Variants in DLG2 observed in about 807,000 individuals in gnomAD.
The protein encoded by DLG2 is discs large MAGUK scaffold protein 2.
DLG2 carries 45 observed loss-of-function variants against 132.5 expected under a neutral mutation model. That is an observed-to-expected ratio of 0.34 (90% CI 0.27 to 0.44). The LOEUF (loss-of-function observed/expected upper bound fraction) is 0.44, where lower values mean the gene tolerates loss of function less well. Among genes scored for constraint, DLG2 ranks in the 20% least tolerant of loss-of-function variants. The pLI is 1.00. For missense variants in DLG2, 1,045 were observed against 1,196.9 expected, an observed-to-expected ratio of 0.87 and a Z score of 1.87; for synonymous variants, 424 against 419.6, an observed-to-expected ratio of 1.01 and a Z score of -0.13.
In DLG2 at chr11:83,873,372, G is replaced by A. The variant is rs570638538; in HGVS notation, c.1565+1048C>T. 8.0e-4 allele frequency among the ~76,000 whole-genome samples: 122 copies of A among 152,272 alleles called. 3 individuals are homozygous for A. The highest frequency in any genetic ancestry group is 7.8e-3 in the Admixed American group (119 of 15,302). ...TACAATTCCCACGTGTTGTGGGAGG[G>A]ACCTGGTGGGAGATAACTGAATCAT... On this transcript the variant is annotated intron_variant, in intron 16 of 27. Transcript: ENST00000376104.
rs905125103 is a variant in DLG2 at position 84,804,930 on chromosome 11, G to A, written c.358-270199C>T. On this transcript the variant is annotated intron_variant, in intron 6 of 27. Transcript: ENST00000376104. ...AAGCCATCCCTCCAACATTGTAACC[G>A]TGGAGAAAAATTAGGGAGCTTAGAT... Among the ~76,000 whole-genome samples the A allele has an allele frequency of 1.6e-4, 24 of 151,960 alleles. 1 individual carries two copies. The highest frequency in any genetic ancestry group is 4.6e-4 in the Admixed American group (7 of 15,272).
chr11:83,740,019 C>T (rs920028592), intron 18 of DLG2, among the ~76,000 whole-genome samples: 7 of 152,092 alleles, frequency 4.6e-5, no homozygotes, highest in African/African-American at 1.7e-4. Context: ...GAATTCTATC[C>T]CTTTTAGTAC....
At position 83,759,406 on chromosome 11, in the gene DLG2, G is replaced by C. The variant is rs142685971; in HGVS notation, c.1825+27284C>G. On this transcript the variant is annotated intron_variant, in intron 18 of 27. Coordinates refer to ENST00000376104, the MANE Select transcript of DLG2 (RefSeq NM_001142699.3). ...ATAGCAAGGGAACAGCCGTTCAGAT[G>C]GGGGGCATCCAAAAGCTCTTTTCAA... 1.6e-3 allele frequency among the ~76,000 whole-genome samples: 247 copies of C among 152,286 alleles called. 1 individual carries two copies. The highest frequency in any genetic ancestry group is 5.9e-3 in the African/African-American group (245 of 41,574).
At chr11:84,351,442 G>A (rs1333885471) in intron 7 of DLG2, among the ~76,000 whole-genome samples, 3 of 151,882 alleles carry the variant, frequency 2.0e-5, no homozygotes, top group South Asian at 2.1e-4. Flanking sequence ...ACATACTCAC[G>A]TAAACTTTAT....
intron 4 of DLG2, among the ~76,000 whole-genome samples, chr11:85,201,905 T>TA (rs531160440): frequency 3.0e-4 from 45 of 148,864 alleles, no homozygotes; most frequent in Non-Finnish European, 5.4e-4. Flanking sequence ...ATCAAAATAA[T>TA]AAAAAAAATT....
At chr11:84,376,934 G>A (rs2098731714) in intron 7 of DLG2, among the ~76,000 whole-genome samples, 1 of 151,834 alleles carries the variant, frequency 6.6e-6, no homozygotes. Context: ...AAATTATGTT[G>A]AAAAAATGTT....
chr11:84,197,649 A>C (rs1219729847), intron 8 of DLG2, among the ~76,000 whole-genome samples: 1 of 152,238 alleles, frequency 6.6e-6, no homozygotes, highest in Non-Finnish European at 1.5e-5. Context: ...GGGAATTTTA[A>C]TAAAATGTTT....
At chr11:84,148,327 G>A (rs1271450708) in intron 9 of DLG2, among the ~76,000 whole-genome samples, 2 of 152,110 alleles carry the variant, frequency 1.3e-5, no homozygotes, top group East Asian at 1.9e-4. Context: ...CCCAGGAAGT[G>A]AGCATGGTCC....
intron 4 of DLG2, among the ~76,000 whole-genome samples, chr11:85,157,164 G>A (rs567244443): frequency 4.5e-4 from 68 of 152,216 alleles, no homozygotes; most frequent in Non-Finnish European, 8.4e-4. Context: ...TTGAACATTG[G>A]ACTCCAAGTT....
intron 6 of DLG2, among the ~76,000 whole-genome samples, chr11:85,027,156 C>A (rs2060596360): frequency 7.3e-6 from 1 of 137,404 alleles, no homozygotes. Context: ...TGTAAAGCAG[C>A]ATATACAGTG....
intron 5 of DLG2, among the ~76,000 whole-genome samples, chr11:85,138,974 G>T (rs1227917969): frequency 6.6e-6 from 1 of 151,994 alleles, no homozygotes; most frequent in East Asian, 1.9e-4. Flanking sequence ...TGAATTTGTT[G>T]TTTCTTCTGC....
At chr11:85,386,640 C>G (rs1396516871) in intron 3 of DLG2, among the ~76,000 whole-genome samples, 1 of 151,738 alleles carries the variant, frequency 6.6e-6, no homozygotes, top group Non-Finnish European at 1.5e-5. Context: ...CTCAAATTAG[C>G]CCCTGTATGA....
intron 3 of DLG2, among the ~76,000 whole-genome samples, chr11:85,424,435 C>A (rs143613104): frequency 6.6e-6 from 1 of 152,164 alleles, no homozygotes; most frequent in Non-Finnish European, 1.5e-5. Flanking sequence ...ACCTCCCATC[C>A]GCCATGACCC....
chr11:85,613,602 G>A lies in DLG2; in HGVS notation c.-93+12985C>T, dbSNP rs192884634. 5.3e-5 allele frequency among the ~76,000 whole-genome samples: 8 copies of A among 152,282 alleles called. No homozygotes were observed. In the East Asian group the frequency reaches 1.5e-3, roughly 29 times the overall value. On this transcript the variant is annotated intron_variant, in intron 2 of 27. Transcript: ENST00000376104. ...TTGTAAATGCACCAATCTGTGCTCT[G>A]TGTCTAGCTAAAGGTTTGTAAATGC...
intron 6 of DLG2, among the ~76,000 whole-genome samples, chr11:84,599,329 A>C (rs903065702): frequency 6.6e-6 from 1 of 152,182 alleles, no homozygotes; most frequent in African/African-American, 2.4e-5. Flanking sequence ...AAACTGTGTC[A>C]TATGTCAGCA....
chr11:83,549,589 A>G lies in DLG2; in HGVS notation c.1941-7731T>C, dbSNP rs558519699. Among the ~76,000 whole-genome samples, 18 of 152,304 alleles carry G rather than the reference A, an allele frequency of 1.2e-4. 2 individuals carry two copies. Among genetic ancestry groups the G allele is most frequent in the African/African-American group, 4.3e-4 (18 of 41,584 alleles). ...ATGGTGTTTTTACAAATGTGACATA[A>G]AAATGCATATGTAGTAAACTTCTTC... On this transcript the variant is annotated intron_variant, in intron 19 of 27. Transcript: ENST00000376104.
In DLG2 at chr11:85,513,138, C is replaced by T. The variant is rs533308410; in HGVS notation, c.40+85519G>A. ...TTCTCACTTATAAGTGGGAGCTAAACATTGAGTGTACATGGCCAAAAAGAT... is the reference window on the plus strand; with the variant it reads ...TTCTCACTTATAAGTGGGAGCTAAATATTGAGTGTACATGGCCAAAAAGAT... On this transcript the variant is annotated intron_variant, in intron 3 of 27. Coordinates refer to ENST00000376104, the MANE Select transcript of DLG2 (RefSeq NM_001142699.3). 9.9e-5 allele frequency among the ~76,000 whole-genome samples: 15 copies of T among 151,972 alleles called. No individual in the cohort carries two copies. In the South Asian group the frequency reaches 3.1e-3, roughly 32 times the overall value.
chr11:85,101,884 T>C (rs2070904399), intron 6 of DLG2, among the ~76,000 whole-genome samples: 1 of 152,058 alleles, frequency 6.6e-6, no homozygotes, highest in South Asian at 2.1e-4. Flanking sequence ...CATGCTGAAT[T>C]TCTAAATAGT....
At chr11:85,487,681 A>C (rs548613168) in intron 3 of DLG2, among the ~76,000 whole-genome samples, 1 of 152,200 alleles carries the variant, frequency 6.6e-6, no homozygotes, top group Non-Finnish European at 1.5e-5. Flanking sequence ...TTGGCAGTAC[A>C]TAAAATGACA....
Sources: gnomAD v4.1 joint callset for allele counts (sites outside exome capture counted in the v4.1 genomes callset) on GRCh38, gnomAD v4.1.1 for gene constraint, MANE v1.5 for transcripts, NCBI Gene and HGNC (gene_info 2026-07-23, HGNC 2026-07-21) for gene names.